TCF7L2: variants seen among roughly 807,000 people sequenced by gnomAD.
TCF7L2 encodes the protein transcription factor 7-like 2.
A neutral mutation model predicts 77.9 loss-of-function variants in TCF7L2; 23 were observed. The observed-to-expected ratio is 0.30, with a 90% CI of 0.21 to 0.42. The LOEUF (loss-of-function observed/expected upper bound fraction) is 0.42, where lower values mean the gene tolerates loss of function less well. Ranked by LOEUF, TCF7L2 falls within the 10% of genes least tolerant of loss-of-function variation. TCF7L2 has a pLI of 1.00. For missense variants in TCF7L2, 654 were observed against 793.1 expected, an observed-to-expected ratio of 0.82 and a Z score of 2.11; for synonymous variants, 413 against 340.2, an observed-to-expected ratio of 1.21 and a Z score of -2.36.
intron 4 of TCF7L2, among the ~76,000 whole-genome samples, chr10:112,974,434 G>A (rs554364991): frequency 6.6e-6 from 1 of 152,020 alleles, no homozygotes; most frequent in Admixed American, 6.6e-5. Context: ...TCAGCTGCTG[G>A]TATTTTCTTT....
At chr10:113,044,687 G>A (rs545503333) in intron 5 of TCF7L2, among the ~76,000 whole-genome samples, 1 of 152,214 alleles carries the variant, frequency 6.6e-6, no homozygotes, top group South Asian at 2.1e-4. Context: ...TTAAAAATGA[G>A]ATCTGAAGGC....
intron 4 of TCF7L2, among the ~76,000 whole-genome samples, chr10:113,030,735 G>A (rs930348127): frequency 2.8e-4 from 42 of 152,130 alleles, no homozygotes; most frequent in African/African-American, 9.4e-4. Flanking sequence ...ACATGGGAGG[G>A]CAAGGGCTGC....
intron 5 of TCF7L2, among the ~76,000 whole-genome samples, chr10:113,080,746 G>A (rs1363205637): frequency 6.6e-6 from 1 of 152,084 alleles, no homozygotes; most frequent in Non-Finnish European, 1.5e-5. Flanking sequence ...CACCCGAGAA[G>A]GTTTAAATAA....
At chr10:113,041,787 T>C (rs1034318969) in intron 5 of TCF7L2, among the ~76,000 whole-genome samples, 4 of 152,176 alleles carry the variant, frequency 2.6e-5, no homozygotes, top group African/African-American at 7.2e-5. Flanking sequence ...TGTTTTCAGG[T>C]TTCCCGCCTC....
At chr10:113,095,882 C>A (rs368244131) in intron 5 of TCF7L2, among the ~76,000 whole-genome samples, 1 of 152,208 alleles carries the variant, frequency 6.6e-6, no homozygotes, top group Non-Finnish European at 1.5e-5. Context: ...TGTCTCTCCA[C>A]GTTAGTGGCT....
At chr10:113,073,129 TGA>T (rs1555010150) in intron 5 of TCF7L2, among the ~76,000 whole-genome samples, 23 of 123,562 alleles carry the variant, frequency 1.9e-4, no homozygotes, top group South Asian at 3.1e-4. Context: ...TGTGTGTGTG[TGA>T]GAGAGAGAGA....
chr10:112,990,403 G>A (rs2042310347), intron 4 of TCF7L2, among the ~76,000 whole-genome samples: 1 of 152,104 alleles, frequency 6.6e-6, no homozygotes, highest in Admixed American at 6.6e-5. Flanking sequence ...GGAACCTAAA[G>A]GTTGCTAAAA....
intron 5 of TCF7L2, among the ~76,000 whole-genome samples, chr10:113,134,262 C>T (rs145590057): frequency 2.5e-4 from 38 of 152,316 alleles, no homozygotes; most frequent in Admixed American, 5.9e-4. Flanking sequence ...TGAGGAAGCC[C>T]ACCCATTTGG....
chr10:113,077,739 C>A (rs770280205), intron 5 of TCF7L2, among the ~76,000 whole-genome samples: 1 of 140,514 alleles, frequency 7.1e-6, no homozygotes, highest in East Asian at 2.1e-4. Flanking sequence ...CTTGCTGTGT[C>A]GCCCAGGCTG....
intron 4 of TCF7L2, among the ~76,000 whole-genome samples, chr10:112,976,085 C>T (rs1425270956): frequency 6.6e-6 from 1 of 152,180 alleles, no homozygotes; most frequent in Non-Finnish European, 1.5e-5. Flanking sequence ...CTCTGCTAAG[C>T]TTCAGTTTCC....
At chr10:113,025,952 C>G (rs1332440361) in intron 4 of TCF7L2, among the ~76,000 whole-genome samples, 2 of 151,686 alleles carry the variant, frequency 1.3e-5, no homozygotes, top group African/African-American at 4.8e-5. Flanking sequence ...TATCTCGGCT[C>G]ACTGCAACCT....
intron 4 of TCF7L2, among the ~76,000 whole-genome samples, chr10:112,971,288 AT>A (rs2038181832): frequency 6.6e-6 from 1 of 151,836 alleles, no homozygotes; most frequent in Non-Finnish European, 1.5e-5. Flanking sequence ...CAGGAGTTAG[AT>A]TTTCCTTTTC....
In TCF7L2 at chr10:113,165,972, G is replaced by C. The variant is rs2137658452; in HGVS notation, c.1809G>C (p.Ter603TyrextTer2). 2.0e-6 allele frequency: 3 copies of C among 1,504,432 alleles called. No homozygotes were observed. Among genetic ancestry groups the C allele is most frequent in the Non-Finnish European group, 2.7e-6 (3 of 1,125,140 alleles). 93.2% of individuals were successfully genotyped at this position (1,504,432 alleles called of 1,614,324 possible). ...CGCTCGTCACCAAGTCTTTAGAATA[G>C]CTTTAGCGTCGTGAACCCCGCTGCT... The change falls in exon 14 of 14, where the codon TAG (stop) becomes TAC (tyrosine). Residue 603 changes from the stop codon to tyrosine, a stop_lost. Coordinates refer to ENST00000627217, the MANE Select transcript of TCF7L2 (RefSeq NM_001146274.2).
chr10:113,077,597 A>T (rs1487905187), intron 5 of TCF7L2, among the ~76,000 whole-genome samples: 1 of 151,958 alleles, frequency 6.6e-6, no homozygotes, highest in Non-Finnish European at 1.5e-5. Flanking sequence ...AAGTCATAAA[A>T]TTTGTGGTCC....
intron 4 of TCF7L2, among the ~76,000 whole-genome samples, chr10:112,966,239 G>A (rs2036879151): frequency 7.3e-6 from 1 of 136,706 alleles, no homozygotes; most frequent in Non-Finnish European, 1.5e-5. Flanking sequence ...TTCTGCAGTT[G>A]TGCCGCCAAC....
chr10:113,023,942 G>A (rs2048672463), intron 4 of TCF7L2, among the ~76,000 whole-genome samples: 1 of 151,916 alleles, frequency 6.6e-6, no homozygotes, highest in Non-Finnish European at 1.5e-5. Context: ...ACAGGCGTGA[G>A]CCACTGCGAC....
At chr10:113,060,797 C>T (rs889314409) in intron 5 of TCF7L2, among the ~76,000 whole-genome samples, 16 of 151,830 alleles carry the variant, frequency 1.1e-4, no homozygotes, top group South Asian at 4.1e-4. Flanking sequence ...GCGCTGTGTC[C>T]CCAAGGAGAA....
chr10:113,041,282 A>T (rs2052395324), intron 5 of TCF7L2, among the ~76,000 whole-genome samples: 1 of 152,224 alleles, frequency 6.6e-6, no homozygotes, highest in Admixed American at 6.5e-5. Context: ...TAGAAAGAAG[A>T]TTGACATTTG....
intron 8 of TCF7L2, among the ~76,000 whole-genome samples, chr10:113,148,930 C>A (rs2070110155): frequency 6.6e-6 from 1 of 152,088 alleles, no homozygotes; most frequent in Non-Finnish European, 1.5e-5. Context: ...TGGTGCCTTC[C>A]CGTGGTATTT....
Sources: allele counts gnomAD v4.1 joint callset (sites outside exome capture counted in the v4.1 genomes callset), GRCh38; gene constraint gnomAD v4.1.1; transcripts MANE v1.5; gene names NCBI Gene and HGNC (gene_info 2026-07-23, HGNC 2026-07-21).